Variants in CELF2 observed in about 807,000 individuals in gnomAD.
CELF2 encodes the protein CUGBP Elav-like family member 2, also known as CUG triplet repeat RNA-binding protein 2.
A neutral mutation model predicts 62.6 loss-of-function variants in CELF2; 8 were observed. The ratio of observed to expected loss-of-function variants is 0.13; its 90% CI spans 0.07 to 0.23. CELF2 has a LOEUF of 0.23. CELF2 is among the 10% of genes least tolerant of loss of function. CELF2 has a pLI of 1.00. For missense variants in CELF2, 333 were observed against 671.0 expected (o/e 0.50, Z 5.56); for synonymous variants, 258 against 250.0 (o/e 1.03, Z -0.30).
chr10:10,832,762 A>T (rs1235825811), intron 1 of CELF2, among the ~76,000 whole-genome samples: 1 of 152,192 alleles, frequency 6.6e-6, no homozygotes, highest in Non-Finnish European at 1.5e-5. Context: ...TCTTGTTTTT[A>T]AAATGGAAAT....
chr10:10,764,480 C>T, the CELF2 span, among the ~76,000 whole-genome samples: 1 of 152,154 alleles, frequency 6.6e-6, no homozygotes, highest in African/African-American at 2.4e-5. Flanking sequence ...AATCAGACAA[C>T]AGAGAGGCTC....
chr10:11,176,834 C>A (rs556682941), intron 2 of CELF2, among the ~76,000 whole-genome samples: 3 of 152,156 alleles, frequency 2.0e-5, no homozygotes, highest in East Asian at 3.8e-4. Context: ...TTCCTTCATC[C>A]GCTTTTACAT....
At chr10:10,746,268 G>A in the CELF2 span, among the ~76,000 whole-genome samples, 1 of 152,174 alleles carries the variant, frequency 6.6e-6, no homozygotes, top group Non-Finnish European at 1.5e-5. Context: ...CGGGATAACA[G>A]ACAACATAGA....
chr10:10,757,462 AT>A, the CELF2 span, among the ~76,000 whole-genome samples: 3 of 152,166 alleles, frequency 2.0e-5, no homozygotes, highest in African/African-American at 7.2e-5. Context: ...AAAATAAAAA[AT>A]AAAATAGAAT....
chr10:10,691,460 T>A, the CELF2 span, among the ~76,000 whole-genome samples: 1 of 150,106 alleles, frequency 6.7e-6, no homozygotes, highest in African/African-American at 2.5e-5. Flanking sequence ...AATGCCACAA[T>A]AAACATACGT....
chr10:10,877,194 A>T (rs912722286), intron 1 of CELF2, among the ~76,000 whole-genome samples: 1 of 152,236 alleles, frequency 6.6e-6, no homozygotes, highest in South Asian at 2.1e-4. Context: ...ATGACTGACA[A>T]TTTCTTGTGT....
At chr10:10,845,987 C>T (rs537256563) in intron 1 of CELF2, 13 of 280,722 alleles carry the variant, frequency 4.6e-5, no homozygotes, top group Admixed American at 6.5e-5. Flanking sequence ...TACATCAAGA[C>T]GTAAGTGCGT....
intron 1 of CELF2, among the ~76,000 whole-genome samples, chr10:10,808,997 T>G (rs2399573): frequency 6.6e-6 from 1 of 152,068 alleles, no homozygotes; most frequent in Non-Finnish European, 1.5e-5. Flanking sequence ...CTGAAATGTG[T>G]CTCCCCAAAA....
chr10:11,230,488 A>G (rs1417754812), intron 3 of CELF2, among the ~76,000 whole-genome samples: 1 of 152,186 alleles, frequency 6.6e-6, no homozygotes, highest in African/African-American at 2.4e-5. Flanking sequence ...GTGTTCCCTC[A>G]TCTGAGTACC....
chr10:10,615,434 C>A, the CELF2 span, among the ~76,000 whole-genome samples: 1 of 152,116 alleles, frequency 6.6e-6, no homozygotes, highest in Non-Finnish European at 1.5e-5. Flanking sequence ...GTATCCTCTT[C>A]GCAGATTATT....
At chr10:11,252,717 G>A (rs1389255164) in intron 4 of CELF2, among the ~76,000 whole-genome samples, 16 of 152,152 alleles carry the variant, frequency 1.1e-4, no homozygotes, top group Non-Finnish European at 8.8e-5. Context: ...ACCGATGGAA[G>A]CTCGCGGCAT....
At chr10:10,879,202 AT>A (rs917866283) in intron 1 of CELF2, among the ~76,000 whole-genome samples, 1 of 152,206 alleles carries the variant, frequency 6.6e-6, no homozygotes, top group Non-Finnish European at 1.5e-5. Context: ...TTCATAACAC[AT>A]TTAAACAAGG....
At chr10:10,919,361 T>C (rs2064664156) in intron 1 of CELF2, among the ~76,000 whole-genome samples, 2 of 152,222 alleles carry the variant, frequency 1.3e-5, no homozygotes, top group Admixed American at 1.3e-4. Flanking sequence ...TTTTTATTAA[T>C]ATGCAAAAGC....
intron 1 of CELF2, among the ~76,000 whole-genome samples, chr10:11,116,098 C>A (rs917990562): frequency 2.6e-5 from 4 of 152,176 alleles, no homozygotes; most frequent in Non-Finnish European, 5.9e-5. Context: ...TTCGTAATTT[C>A]TCGATAAAAT....
chr10:11,285,080 TGATGGATG>T lies in CELF2; in HGVS notation c.842-3328_842-3321del, dbSNP rs1031290005. ...TGGATAGTTGGGTGGTTACGCGGAA[TGATGGATG>T]GATGGATGGGTGGGTGGGTGGATGG... On this transcript the variant is annotated intron_variant, in intron 8 of 12. Coordinates refer to ENST00000633077, the MANE Select transcript of CELF2 (RefSeq NM_001326342.2). This position sits in a 1 kb window ranked among gnomAD's most constrained non-coding sequence, Gnocchi z 4.3. 7.1e-6 allele frequency among the ~76,000 whole-genome samples: 1 copy of T among 141,190 alleles called. No homozygotes were observed. Among genetic ancestry groups the T allele is most frequent in the African/African-American group, 2.7e-5 (1 of 37,680 alleles). The allele number at this position is 141,190 out of a possible 152,430, so 92.6% of individuals were successfully genotyped here.
chr10:10,966,230 A>G (rs1428084375), intron 2 of CELF2, among the ~76,000 whole-genome samples: 1 of 152,142 alleles, frequency 6.6e-6, no homozygotes, highest in Non-Finnish European at 1.5e-5. Flanking sequence ...GCCTCCTACA[A>G]AGCCCACTCA....
the CELF2 span, among the ~76,000 whole-genome samples, chr10:10,764,786 C>T: frequency 6.6e-6 from 1 of 152,118 alleles, no homozygotes; most frequent in Non-Finnish European, 1.5e-5. Context: ...GAGGTCTCCC[C>T]CACTTTCTAG....
At chr10:10,541,422 G>A in the CELF2 span, among the ~76,000 whole-genome samples, 1 of 152,090 alleles carries the variant, frequency 6.6e-6, no homozygotes, top group Non-Finnish European at 1.5e-5. Flanking sequence ...TATTAAGAAA[G>A]TAAAGGAAAA....
In CELF2 at chr10:11,204,014, A is replaced by T. The variant is rs148071757; in HGVS notation, c.272-13411A>T. 1.6e-4 allele frequency among the ~76,000 whole-genome samples: 25 copies of T among 152,326 alleles called. No homozygotes were observed. The East Asian group carries it at 4.8e-3, about 29-fold the overall frequency. On this transcript the variant is annotated intron_variant, in intron 2 of 12. Coordinates refer to ENST00000633077, the MANE Select transcript of CELF2 (RefSeq NM_001326342.2). Reference sequence around the variant, plus strand: ...AGACTGGGGGAGAGGACAGAAGAGGAGGGGCGCAGAGGGTTTGCCCACATC... The same window carrying T: ...AGACTGGGGGAGAGGACAGAAGAGGTGGGGCGCAGAGGGTTTGCCCACATC...
Sources: gnomAD v4.1 joint callset for allele counts (sites outside exome capture counted in the v4.1 genomes callset) on GRCh38, gnomAD v4.1.1 for gene constraint, Gnocchi (gnomAD v3.1) non-coding constraint, MANE v1.5 for transcripts, NCBI Gene and HGNC (gene_info 2026-07-23, HGNC 2026-07-21) for gene names.